ENOX1: variants seen among roughly 807,000 people sequenced by gnomAD.
ENOX1 encodes candidate growth-related and time keeping constitutive hydroquinone (NADH) oxidase.
ENOX1 carries 42 observed loss-of-function variants against 82.5 expected under a neutral mutation model. The ratio of observed to expected loss-of-function variants is 0.51; its 90% confidence interval spans 0.40 to 0.66. The LOEUF is 0.66. ENOX1 is among the 30% of genes least tolerant of loss of function. The pLI is 0.00. For missense variants in ENOX1, 608 were observed against 811.6 expected, an observed-to-expected ratio of 0.75 and a Z score of 3.05; for synonymous variants, 271 against 282.2, an observed-to-expected ratio of 0.96 and a Z score of 0.40.
rs544192913 is a variant in ENOX1, at chr13:43,718,424, A to C, written c.-284-50880T>G. Among the ~76,000 whole-genome samples, 19 of 152,234 alleles carry C rather than the reference A, an allele frequency of 1.2e-4. 1 individual carries two copies. The South Asian group carries it at 3.7e-3, about 30-fold the overall frequency. On this transcript the variant is annotated intron_variant, in intron 1 of 16. Coordinates refer to ENST00000690772, the MANE Select transcript of ENOX1 (RefSeq NM_001347969.2). The stretch of plus-strand genomic sequence containing the variant: ...AGGGGATGGGTTGAAAAAGCCACCT[A>C]CTGGGTACTATGCTCACTACCTGGA...
At chr13:43,427,639 C>A (rs2055399729) in intron 3 of ENOX1, among the ~76,000 whole-genome samples, 1 of 152,152 alleles carries the variant, frequency 6.6e-6, no homozygotes, top group African/African-American at 2.4e-5. Flanking sequence ...CTGTATGTAG[C>A]ACTGTGCTTG....
intron 16 of ENOX1, among the ~76,000 whole-genome samples, chr13:43,218,691 C>T (rs767634112): frequency 6.6e-6 from 1 of 152,136 alleles, no homozygotes; most frequent in Non-Finnish European, 1.5e-5. Flanking sequence ...ATATTTATAT[C>T]TCATGACAGA....
chr13:43,631,133 T>C (rs2083199494), intron 2 of ENOX1, among the ~76,000 whole-genome samples: 1 of 152,186 alleles, frequency 6.6e-6, no homozygotes, highest in Non-Finnish European at 1.5e-5. Context: ...CTTCTATTTG[T>C]GGGTATTTAA....
chr13:43,525,886 TTA>T (rs1416763157), intron 2 of ENOX1, among the ~76,000 whole-genome samples: 1 of 152,182 alleles, frequency 6.6e-6, no homozygotes, highest in Non-Finnish European at 1.5e-5. Flanking sequence ...TATTAACCCC[TTA>T]TCAAATATAT....
chr13:43,316,725 A>C (rs2047514774), intron 11 of ENOX1, among the ~76,000 whole-genome samples: 1 of 152,230 alleles, frequency 6.6e-6, no homozygotes, highest in East Asian at 1.9e-4. Context: ...AAATCCACCC[A>C]AAATAAATAT....
At chr13:43,694,227 GAA>G (rs11356439) in intron 1 of ENOX1, among the ~76,000 whole-genome samples, 152 of 146,184 alleles carry the variant, frequency 1.0e-3, no homozygotes, top group East Asian at 2.6e-3. Context: ...AAACTTAGGG[GAA>G]AAAAAAAAAA....
At position 43,755,746 on chromosome 13, in the gene ENOX1, T is replaced by C. The variant is rs1003674996; in HGVS notation, c.-285+30906A>G. Among the ~76,000 whole-genome samples the C allele has an allele frequency of 2.2e-4, 33 of 152,186 alleles. 1 individual carries two copies. Among genetic ancestry groups the C allele is most frequent in the Non-Finnish European group, 2.2e-4 (15 of 68,044 alleles). On this transcript the variant is annotated intron_variant, in intron 1 of 16. Coordinates refer to ENST00000690772, the MANE Select transcript of ENOX1 (RefSeq NM_001347969.2). ...AAAATTATAAAATCATCCACAATTG[T>C]TTTCTAAGTTCTAAAATAGGTAAAA...
chr13:43,577,833 C>G (rs982102637), intron 2 of ENOX1, among the ~76,000 whole-genome samples: 1 of 152,204 alleles, frequency 6.6e-6, no homozygotes, highest in Non-Finnish European at 1.5e-5. Context: ...TCTTGGCCTT[C>G]TCTATTAACT....
chr13:43,624,907 T>C (rs1288378549), intron 2 of ENOX1, among the ~76,000 whole-genome samples: 1 of 152,192 alleles, frequency 6.6e-6, no homozygotes, highest in Non-Finnish European at 1.5e-5. Context: ...AATAATTTTG[T>C]TGACATCCTC....
rs550925923 is a variant in ENOX1 at position 43,763,035 on chromosome 13, C to T, written c.-285+23617G>A. On this transcript the variant is annotated intron_variant, in intron 1 of 16. Coordinates refer to ENST00000690772, the MANE Select transcript of ENOX1 (RefSeq NM_001347969.2). ...AATCTTCTTCATATTTAACTGAAAT[C>T]GTCATTTTTGGAGAAGTTGAAAATC... is the stretch of plus-strand genomic sequence containing the variant. Among the ~76,000 whole-genome samples the T allele has an allele frequency of 1.6e-4, 25 of 152,258 alleles. No individual in the cohort carries two copies. In the East Asian group the frequency reaches 1.7e-3, roughly 11 times the overall value.
At chr13:43,607,058 T>C (rs1293248429) in intron 2 of ENOX1, among the ~76,000 whole-genome samples, 1 of 152,068 alleles carries the variant, frequency 6.6e-6, no homozygotes, top group East Asian at 1.9e-4. Context: ...GTGACTACAG[T>C]CAACAATAAT....
intron 1 of ENOX1, among the ~76,000 whole-genome samples, chr13:43,756,559 G>C (rs966426110): frequency 1.2e-4 from 18 of 151,094 alleles, no homozygotes; most frequent in African/African-American, 4.1e-4. Flanking sequence ...CAGAGAGAGA[G>C]ATGTGCATGA....
intron 1 of ENOX1, among the ~76,000 whole-genome samples, chr13:43,701,266 T>C (rs1257810585): frequency 6.6e-6 from 1 of 152,204 alleles, no homozygotes; most frequent in African/African-American, 2.4e-5. Flanking sequence ...TCTCAAGATC[T>C]CAGCAATTTG....
chr13:43,334,038 G>T (rs964912433), intron 9 of ENOX1, among the ~76,000 whole-genome samples: 2 of 152,222 alleles, frequency 1.3e-5, no homozygotes, highest in Admixed American at 6.5e-5. Context: ...AACATCACTT[G>T]AGAACTCACT....
intron 1 of ENOX1, among the ~76,000 whole-genome samples, chr13:43,711,418 T>A (rs2087703723): frequency 6.6e-6 from 1 of 152,262 alleles, no homozygotes; most frequent in Admixed American, 6.5e-5. Context: ...AGATGTATAA[T>A]CCTTTGGGTA....
chr13:43,463,837 CA>C lies in ENOX1; in HGVS notation c.-75+20171del, dbSNP rs1301156801. Among the ~76,000 whole-genome samples the C allele has an allele frequency of 4.6e-5, 7 of 152,146 alleles. No individual in the cohort carries two copies. In the East Asian group the frequency reaches 1.2e-3, roughly 25 times the overall value. On this transcript the variant is annotated intron_variant, in intron 3 of 16. Coordinates refer to ENST00000690772, the MANE Select transcript of ENOX1 (RefSeq NM_001347969.2). Reference sequence around the variant, plus strand: ...TAGATTCAAATAAATTAGAAGACTACAAAAAAGAAAATAATCCAATTTCAAT... The same window carrying C: ...TAGATTCAAATAAATTAGAAGACTACAAAAAGAAAATAATCCAATTTCAAT...
chr13:43,236,980 CA>C (rs2042582535), intron 14 of ENOX1, among the ~76,000 whole-genome samples: 1 of 152,196 alleles, frequency 6.6e-6, no homozygotes, highest in Admixed American at 6.5e-5. Context: ...GCAAATTTGG[CA>C]CAAGTTATCT....
intron 3 of ENOX1, among the ~76,000 whole-genome samples, chr13:43,436,404 C>T (rs2056030884): frequency 6.6e-6 from 1 of 152,126 alleles, no homozygotes; most frequent in African/African-American, 2.4e-5. Flanking sequence ...AAATAAAGCA[C>T]ATTTTTTACA....
chr13:43,741,678 A>G (rs1448180880), intron 1 of ENOX1, among the ~76,000 whole-genome samples: 1 of 152,108 alleles, frequency 6.6e-6, no homozygotes, highest in African/African-American at 2.4e-5. Flanking sequence ...TTTTTCTCCC[A>G]TTTCGTAGAT....
Sources: gnomAD v4.1 joint callset for allele counts (sites outside exome capture counted in the v4.1 genomes callset) on GRCh38, gnomAD v4.1.1 for gene constraint, MANE v1.5 for transcripts, NCBI Gene and HGNC (gene_info 2026-07-23, HGNC 2026-07-21) for gene names.